Variants in SOX5 observed in about 807,000 individuals in gnomAD.
SOX5 encodes the protein transcription factor SOX-5.
A neutral mutation model predicts 92.0 loss-of-function variants in SOX5; 9 were observed. That is an observed-to-expected ratio of 0.10 (90% CI 0.06 to 0.17). The LOEUF (loss-of-function observed/expected upper bound fraction) is 0.17, where lower values mean the gene tolerates loss of function less well. SOX5 is among the 10% of genes least tolerant of loss of function. The pLI, the probability that SOX5 is intolerant of heterozygous loss-of-function variation, is 1.00. For synonymous variants in SOX5, 344 were observed against 336.3 expected (o/e 1.02, Z -0.25); for missense variants, 642 against 944.5 (o/e 0.68, Z 4.20).
chr12:24,499,290 C>T (rs1272697878), intron 1 of SOX5, among the ~76,000 whole-genome samples: 2 of 152,162 alleles, frequency 1.3e-5, no homozygotes, highest in Admixed American at 6.5e-5. Flanking sequence ...ATATGAAATA[C>T]ATATTTCTTG....
At chr12:24,487,094 C>A (rs1946600246) in intron 1 of SOX5, among the ~76,000 whole-genome samples, 1 of 152,132 alleles carries the variant, frequency 6.6e-6, no homozygotes, top group African/African-American at 2.4e-5. Context: ...TTATATCAAT[C>A]CACGGAGCCA....
At chr12:23,828,692 C>A (rs2096269681) in intron 3 of SOX5, among the ~76,000 whole-genome samples, 1 of 151,576 alleles carries the variant, frequency 6.6e-6, no homozygotes, top group Admixed American at 6.6e-5. Flanking sequence ...ATGTAAATAA[C>A]CTTGGAAGCA....
chr12:23,971,538 T>C (rs1234742623), intron 4 of SOX5, among the ~76,000 whole-genome samples: 3 of 150,278 alleles, frequency 2.0e-5, no homozygotes, highest in Non-Finnish European at 4.4e-5. Context: ...AGAATATATA[T>C]ATATATATAT....
intron 4 of SOX5, among the ~76,000 whole-genome samples, chr12:24,050,847 A>C (rs7961612): frequency 0.092 from 13,950 of 151,528 alleles, 866 homozygotes; most frequent in African/African-American, 0.18. Context: ...TCTTCTTCTT[A>C]TTATTATTAT....
intron 8 of SOX5, among the ~76,000 whole-genome samples, chr12:23,629,374 G>C (rs1259125499): frequency 6.6e-6 from 1 of 151,970 alleles, no homozygotes; most frequent in Non-Finnish European, 1.5e-5. Context: ...ATGGCAAAAT[G>C]GGAAGAAGGT....
intron 2 of SOX5, among the ~76,000 whole-genome samples, chr12:24,319,900 G>A (rs1187960768): frequency 6.6e-6 from 1 of 152,140 alleles, no homozygotes; most frequent in Non-Finnish European, 1.5e-5. Context: ...TGGCTTCCAT[G>A]ATCAGCCCCA....
At chr12:23,983,957 C>A (rs549764116) in intron 4 of SOX5, among the ~76,000 whole-genome samples, 1 of 152,228 alleles carries the variant, frequency 6.6e-6, no homozygotes, top group Admixed American at 6.5e-5. Flanking sequence ...TCCAAATCCA[C>A]CTGAATGATC....
At chr12:23,851,722 C>CGA (rs376303266) in intron 2 of SOX5, among the ~76,000 whole-genome samples, 2 of 151,374 alleles carry the variant, frequency 1.3e-5, no homozygotes, top group Admixed American at 6.6e-5. Context: ...AGTAGTTCAC[C>CGA]GAGAGAGAGA....
Position 23,864,462 on chromosome 12 carries a change from T to C in SOX5, c.271-18269A>G, listed in dbSNP as rs558424523. Among the ~76,000 whole-genome samples the C allele has an allele frequency of 2.5e-4, 38 of 152,266 alleles. 1 individual carries two copies. The highest frequency in any genetic ancestry group is 8.9e-4 in the African/African-American group (37 of 41,550). ...AGAGATAGGCCAAAAGCTAGGCCTC[T>C]TGCACCATAGTTAGCCAAGTTATGG... On this transcript the variant is annotated intron_variant, in intron 2 of 14. Transcript: ENST00000451604.
At chr12:24,425,490 T>A (rs1966622954) in intron 1 of SOX5, among the ~76,000 whole-genome samples, 2 of 152,296 alleles carry the variant, frequency 1.3e-5, no homozygotes, top group Middle Eastern at 3.4e-3. Context: ...AGGCCTGATC[T>A]TTGGAAGAGA....
intron 3 of SOX5, among the ~76,000 whole-genome samples, chr12:24,217,098 T>G (rs1484019421): frequency 6.6e-6 from 1 of 152,200 alleles, no homozygotes; most frequent in Non-Finnish European, 1.5e-5. Flanking sequence ...TTTAAATCCT[T>G]TATAATAAAA....
intron 4 of SOX5, among the ~76,000 whole-genome samples, chr12:24,010,955 A>G (rs928933962): frequency 1.3e-5 from 2 of 152,128 alleles, no homozygotes; most frequent in African/African-American, 2.4e-5. Flanking sequence ...AAAAAAAAGA[A>G]TAATATTCTG....
intron 4 of SOX5, among the ~76,000 whole-genome samples, chr12:24,146,424 T>C (rs907624169): frequency 7.2e-5 from 11 of 152,042 alleles, no homozygotes; most frequent in African/African-American, 2.7e-4. Context: ...TTAGAAAGTA[T>C]CTGAACTAAG....
chr12:23,755,937 G>A (rs2094355670), intron 3 of SOX5, among the ~76,000 whole-genome samples: 1 of 151,792 alleles, frequency 6.6e-6, no homozygotes, highest in Non-Finnish European at 1.5e-5. Flanking sequence ...GCGGAACAAA[G>A]CCATACTGAT....
At chr12:23,817,812 C>T (rs1316142618) in intron 3 of SOX5, among the ~76,000 whole-genome samples, 1 of 152,162 alleles carries the variant, frequency 6.6e-6, no homozygotes, top group Non-Finnish European at 1.5e-5. Context: ...CCAAAAATAA[C>T]ATAGTTACTC....
At chr12:24,156,545 A>C (rs1565550470) in intron 4 of SOX5, among the ~76,000 whole-genome samples, 1 of 152,158 alleles carries the variant, frequency 6.6e-6, no homozygotes, top group Non-Finnish European at 1.5e-5. Context: ...AACTTACAAC[A>C]GATAATTATT....
At chr12:24,021,448 TACACCA>T (rs1954274473) in intron 4 of SOX5, among the ~76,000 whole-genome samples, 1 of 152,174 alleles carries the variant, frequency 6.6e-6, no homozygotes, top group Non-Finnish European at 1.5e-5. Flanking sequence ...ACGACTTACA[TACACCA>T]CAGCATTAAC....
rs370396570 is a variant in SOX5, at chr12:23,538,968, C to CT, written c.1772-2300dup. Reference sequence around the variant, plus strand: ...GGCGCCCGCCACCACGCCCGGCTAGCTTTTTTTTTTGTATTTTTAGTGGAG... The same window carrying CT: ...GGCGCCCGCCACCACGCCCGGCTAGCTTTTTTTTTTTGTATTTTTAGTGGAG... On this transcript the variant is annotated intron_variant, in intron 13 of 14. Transcript: ENST00000451604. 3.4e-3 allele frequency among the ~76,000 whole-genome samples: 498 copies of CT among 145,892 alleles called. 2 individuals carry two copies. Among genetic ancestry groups the CT allele is most frequent in the East Asian group, 5.0e-3 (25 of 4,996 alleles).
rs114867236 is a variant in SOX5 at position 24,381,828 on chromosome 12, A to T, written c.-250-13189T>A. 6.7e-3 allele frequency among the ~76,000 whole-genome samples: 1,019 copies of T among 152,348 alleles called. 12 individuals are homozygous for T. Among genetic ancestry groups the T allele is most frequent in the African/African-American group, 0.024 (980 of 41,574 alleles). On this transcript the variant is annotated intron_variant, in intron 1 of 4. Coordinates refer to the SOX5 transcript ENST00000446891. The stretch of plus-strand genomic sequence containing the variant: ...GTGATAGATGTATCTTAGCAGAGAA[A>T]AACTTCAGGGAGAGTAGGAATGAAC...
Sources: allele counts gnomAD v4.1 joint callset (sites outside exome capture counted in the v4.1 genomes callset), GRCh38; gene constraint gnomAD v4.1.1; transcripts MANE v1.5; gene names NCBI Gene and HGNC (gene_info 2026-07-23, HGNC 2026-07-21).